UCP3: variants seen among roughly 807,000 people sequenced by gnomAD.
The protein encoded by UCP3 is uncoupling protein 3, also known as putative mitochondrial transporter UCP3.
In UCP3, 24 loss-of-function variants were observed where a neutral mutation model predicts 28.1. That is an observed-to-expected ratio of 0.85 (90% CI 0.62 to 1.20). The LOEUF (loss-of-function observed/expected upper bound fraction) is 1.20, where lower values mean the gene tolerates loss of function less well. UCP3 is among the 50% of genes most tolerant of loss of function. The pLI is 0.00. For missense variants in UCP3, 397 were observed against 422.2 expected, an observed-to-expected ratio of 0.94 and a Z score of 0.52; for synonymous variants, 184 against 171.2, an observed-to-expected ratio of 1.07 and a Z score of -0.59.
intron 1 of UCP3, among the ~76,000 whole-genome samples, chr11:74,007,894 G>A (rs1024667139): frequency 6.6e-6 from 1 of 152,108 alleles, no homozygotes; most frequent in African/African-American, 2.4e-5. Flanking sequence ...CCTAGCAGCC[G>A]GCAGCCTTTT....
Position 74,007,113 on chromosome 11 carries a change from C to T in UCP3, c.-71G>A, listed in dbSNP as rs1951673717. The T allele has an allele frequency of 3.1e-6, 5 of 1,592,266 alleles. No individual in the cohort carries two copies. In the African/African-American group the frequency reaches 5.4e-5, roughly 17 times the overall value. ...CCAAGGAGAGAGGCTGCTCCACAGC[C>T]CTGGGCTTCAGTGCAGCGGTGGGGC... On this transcript the variant is annotated 5_prime_UTR_variant, in exon 2 of 7. Transcript: ENST00000314032.
chr11:74,006,128 T>C, intron 3 of UCP3, 41 bp downstream of exon 3: 1 of 1,610,782 alleles, frequency 6.2e-7, no homozygotes, highest in Non-Finnish European at 8.5e-7. Context: ...ACCCACACAC[T>C]TTCAGCCACC....
At position 74,006,260 on chromosome 11, in the gene UCP3, C is replaced by T. The variant is rs747007884; in HGVS notation, c.246G>A (p.Val82=). The change falls in exon 3 of 7, where the codon GTG becomes GTA. Residue 82 remains valine (V), a synonymous_variant. Transcript: ENST00000314032. The part of the protein sequence containing the change: ...EGPCSPYNGL[V]AGLQRQMSFA... ...AGCTCATCTGGCGCTGCAGGCCGGCCACCAGCCCATTGTAGGGGCTGCAGG... is the reference window on the plus strand; with the variant it reads ...AGCTCATCTGGCGCTGCAGGCCGGCTACCAGCCCATTGTAGGGGCTGCAGG... The T allele has an allele frequency of 6.2e-7, 1 of 1,613,888 alleles. No homozygotes were observed. The highest frequency in any genetic ancestry group is 8.5e-7 in the Non-Finnish European group (1 of 1,180,004).
At chr11:74,005,278 C>T (rs1951653851) in intron 4 of UCP3, among the ~76,000 whole-genome samples, 1 of 152,200 alleles carries the variant, frequency 6.6e-6, no homozygotes, top group South Asian at 2.1e-4. Flanking sequence ...TTTTCTGATG[C>T]TCCTCTTTTT....
Position 74,004,526 on chromosome 11 carries a change from C to T in UCP3, c.601G>A (p.Asp201Asn), listed in dbSNP as rs201993988. Residue 201 changes from aspartate to asparagine, a missense_variant, in exon 5 of 7, where the codon GAC becomes AAC. Coordinates refer to ENST00000314032, the MANE Select transcript of UCP3 (RefSeq NM_003356.4). Reference sequence around the variant, plus strand: ...TCCAGCAGCTTCTCCTTGAGGATGTCGTAGGTCACCACCTCAGCACAGTTG... The same window carrying T: ...TCCAGCAGCTTCTCCTTGAGGATGTTGTAGGTCACCACCTCAGCACAGTTG... ...IVNCAEVVTY[D>N]ILKEKLLDYH... 120 of 1,614,102 alleles carry T rather than the reference C, an allele frequency of 7.4e-5. No homozygotes were observed. Among genetic ancestry groups the T allele is most frequent in the East Asian group, 6.9e-4 (31 of 44,870 alleles).
Position 74,006,397 on chromosome 11 carries a change from G to A in UCP3, c.127-18C>T, listed in dbSNP as rs776490565. On this transcript the variant is annotated intron_variant, in intron 2 of 6. Transcript: ENST00000314032. ...CCCTGGATCTGAGGGACAATAGCAG[G>A]GGGTGAGGACTCAGATGGGAAGGCA... The A allele has an allele frequency of 1.3e-6, 2 of 1,534,042 alleles. No individual in the cohort carries two copies. The highest frequency in any genetic ancestry group is 1.4e-5 in the African/African-American group (1 of 73,728).
In UCP3 at chr11:74,003,824, C is replaced by T; in HGVS notation, c.824+3G>A. The stretch of plus-strand genomic sequence containing the variant: ...GGAGTGCTGGAGGCAGGAGGAGGCT[C>T]ACCCCTTGTAGAAGGCTGTGGGGCC... On this transcript the variant is annotated splice_donor_region_variant and intron_variant, in intron 6 of 6. Transcript: ENST00000314032. 2.5e-6 allele frequency: 4 copies of T among 1,590,402 alleles called. No homozygotes were observed. Among genetic ancestry groups the T allele is most frequent in the Middle Eastern group, 1.9e-4 (1 of 5,370 alleles).
chr11:74,006,873 C>T (rs1398006735), intron 2 of UCP3, 44 bp downstream of exon 2: 2 of 1,613,878 alleles, frequency 1.2e-6, no homozygotes, highest in South Asian at 1.1e-5. Context: ...AGAACTAGCC[C>T]CTCCTTCCAT....
chr11:74,006,400 G>T (rs371086941), intron 2 of UCP3, 21 bp from the exon 3 acceptor site: 2 of 1,527,846 alleles, frequency 1.3e-6, no homozygotes, highest in Non-Finnish European at 8.8e-7. Context: ...ATAGCAGGGG[G>T]TGAGGACTCA....
intron 6 of UCP3, chr11:74,001,786 A>G (rs1373011220): frequency 4.1e-5 from 18 of 442,856 alleles, no homozygotes; most frequent in Non-Finnish European, 7.0e-5. Context: ...TCACAGTTCT[A>G]TAAGGCAGCC....
In UCP3 at chr11:74,000,989, C is replaced by A; in HGVS notation, c.*423G>T. ...TGCTGGGTGGCATCCCTCCAGGCTC[C>A]GTGGCTGATCTCCCACTCCATTGTG... On this transcript the variant is annotated 3_prime_UTR_variant, in exon 7 of 7. Transcript: ENST00000314032. 1 of 229,290 alleles carries A rather than the reference C, an allele frequency of 4.4e-6. No homozygotes were observed. The highest frequency in any genetic ancestry group is 8.3e-5 in the South Asian group (1 of 12,024). The allele number at this position is 229,290 out of a possible 1,614,324, so 14.2% of individuals were successfully genotyped here.
At chr11:74,008,751 A>C (rs1367040749) in intron 1 of UCP3, among the ~76,000 whole-genome samples, 1 of 152,174 alleles carries the variant, frequency 6.6e-6, no homozygotes, top group African/African-American at 2.4e-5. Flanking sequence ...TGAGTGAGTG[A>C]CACGGGTGTT....
At position 74,003,582 on chromosome 11, in the gene UCP3, G is replaced by A. The variant is rs79212763; in HGVS notation, c.824+245C>T. Reference sequence around the variant, plus strand: ...GGTCTCAGGATTGCTAACTTCCTCTGGAGACAGGCAGTACTTTTACCTATT... The same window carrying A: ...GGTCTCAGGATTGCTAACTTCCTCTAGAGACAGGCAGTACTTTTACCTATT... On this transcript the variant is annotated intron_variant, in intron 6 of 6. Coordinates refer to ENST00000314032, the MANE Select transcript of UCP3 (RefSeq NM_003356.4). 285 of 1,242,752 alleles carry A rather than the reference G, an allele frequency of 2.3e-4. 4 individuals carry two copies. The African/African-American group carries it at 3.8e-3, about 17-fold the overall frequency. 77.0% of individuals were successfully genotyped at this position (1,242,752 alleles called of 1,614,324 possible).
chr11:74,002,643 T>C (rs978604954), intron 6 of UCP3: 25 of 580,612 alleles, frequency 4.3e-5, no homozygotes, highest in Non-Finnish European at 5.4e-5. Flanking sequence ...GAGGGAGGCA[T>C]AACCCAGGGC....
chr11:74,008,767 C>A (rs1375962476), intron 1 of UCP3, among the ~76,000 whole-genome samples: 1 of 152,164 alleles, frequency 6.6e-6, no homozygotes, highest in East Asian at 1.9e-4. Flanking sequence ...GTGTTGGGTT[C>A]AAGCCCCAGC....
chr11:74,003,834 A>G lies in UCP3; in HGVS notation c.817T>C (p.Tyr273His). 4 of 1,601,878 alleles carry G rather than the reference A, an allele frequency of 2.5e-6. No homozygotes were observed. The highest frequency in any genetic ancestry group is 3.4e-6 in the Non-Finnish European group (4 of 1,173,360). ...AGGCAGGAGGAGGCTCACCCCTTGT[A>G]GAAGGCTGTGGGGCCCTCCTGGGCC... is the stretch of plus-strand genomic sequence containing the variant. ...MVAQEGPTAF[Y>H]KGFTPSFLRL... Residue 273 changes from tyrosine to histidine, a missense_variant, in exon 6 of 7, where the codon TAC becomes CAC. Physicochemically the swap from Tyr to His is moderately conservative, Grantham distance 83 (BLOSUM62 2). Transcript: ENST00000314032.
At chr11:74,005,678 A>G (rs1191095261) in intron 4 of UCP3, 52 bp downstream of exon 4, 2 of 1,599,482 alleles carry the variant, frequency 1.3e-6, no homozygotes, top group East Asian at 4.5e-5. Context: ...CCCCAGCCTG[A>G]GGGGAGGGAA....
rs1951664012 is a variant in UCP3 at position 74,006,181 on chromosome 11, T to C, written c.325A>G (p.Lys109Glu). The C allele has an allele frequency of 6.2e-7, 1 of 1,614,112 alleles. No individual in the cohort carries two copies. The highest frequency in any genetic ancestry group is 1.3e-5 in the African/African-American group (1 of 75,050). The change falls in exon 3 of 7, where the codon AAA becomes GAA. Residue 109 changes from lysine to glutamate, a missense_variant. Coordinates refer to ENST00000314032, the MANE Select transcript of UCP3 (RefSeq NM_003356.4). Reference sequence around the variant, plus strand: ...CCTGGTCACTCACTGTCCGCGCCTTTGGGGGTGTACACCTGCTTGACGGAG... The same window carrying C: ...CCTGGTCACTCACTGTCCGCGCCTTCGGGGGTGTACACCTGCTTGACGGAG... ...YDSVKQVYTP[K>E]GADNSSLTTR...
Position 74,000,419 on chromosome 11 carries a change from C to T in UCP3, c.*993G>A, listed in dbSNP as rs1951613212. On this transcript the variant is annotated 3_prime_UTR_variant, in exon 7 of 7. Transcript: ENST00000314032. ...CCAAGCCCAACAATCCTTTGAGGTA[C>T]TCATGATTGAGCACGTGGTGGGGGG... 1 of 134,446 alleles carries T rather than the reference C, an allele frequency of 7.4e-6. No individual in the cohort carries two copies. The highest frequency in any genetic ancestry group is 1.6e-5 in the Non-Finnish European group (1 of 63,708). 8.3% of individuals were successfully genotyped at this position (134,446 alleles called of 1,614,324 possible).
Sources: allele counts gnomAD v4.1 joint callset (sites outside exome capture counted in the v4.1 genomes callset), GRCh38; gene constraint gnomAD v4.1.1; transcripts MANE v1.5; gene names NCBI Gene and HGNC (gene_info 2026-07-23, HGNC 2026-07-21).